The following EPHA5 variants were observed in gnomAD, a reference collection of about 807,000 sequenced individuals.
EPHA5 encodes the protein ephrin type-A receptor 5.
In EPHA5, 60 loss-of-function variants were observed where a neutral mutation model predicts 105.0. The observed-to-expected ratio is 0.57, with a 90% CI of 0.46 to 0.71. The LOEUF is 0.71. EPHA5 is among the 30% of genes least tolerant of loss of function. EPHA5 has a pLI of 0.00. For missense variants in EPHA5, 1,218 were observed against 1,274.7 expected (o/e 0.96, Z 0.68); for synonymous variants, 513 against 449.1 (o/e 1.14, Z -1.80).
At chr4:65,375,145 T>A (rs1037547530) in intron 8 of EPHA5, among the ~76,000 whole-genome samples, 1 of 151,946 alleles carries the variant, frequency 6.6e-6, no homozygotes, top group Admixed American at 6.6e-5. Flanking sequence ...TAAGCTCAGT[T>A]AAAGTTTGTT....
intron 11 of EPHA5, among the ~76,000 whole-genome samples, chr4:65,356,529 T>A (rs1015790194): frequency 2.0e-5 from 3 of 151,480 alleles, no homozygotes; most frequent in Non-Finnish European, 3.0e-5. Context: ...CCTGTAGGAT[T>A]TTTCAGCTAG....
Position 65,490,729 on chromosome 4 carries a change from A to G in EPHA5, c.1067-17T>C. 6.2e-7 allele frequency: 1 copy of G among 1,606,842 alleles called. No homozygotes were observed. The highest frequency in any genetic ancestry group is 8.5e-7 in the Non-Finnish European group (1 of 1,174,930). Reference sequence around the variant, plus strand: ...AGGGGGGTCCTGGTTTACAAAGTAAAGTAAGAAAAACATATTTTAAGATGG... The same window carrying G: ...AGGGGGGTCCTGGTTTACAAAGTAAGGTAAGAAAAACATATTTTAAGATGG... On this transcript the variant is annotated splice_polypyrimidine_tract_variant and intron_variant, in intron 4 of 16. Coordinates refer to ENST00000613740, the MANE Select transcript of EPHA5 (RefSeq NM_001281766.3).
Position 65,465,954 on chromosome 4 carries a change from A to T in EPHA5, c.1402+24423T>A, listed in dbSNP as rs372696984. 2.6e-5 allele frequency among the ~76,000 whole-genome samples: 4 copies of T among 152,386 alleles called. No individual in the cohort carries two copies. The South Asian group carries it at 8.3e-4, about 32-fold the overall frequency. On this transcript the variant is annotated intron_variant, in intron 5 of 16. Coordinates refer to ENST00000613740, the MANE Select transcript of EPHA5 (RefSeq NM_001281766.3). ...GATACTTCAGTAAACAAATTATACT[A>T]TCCTGCCCTAATAGAACTTACATTC...
rs1729006757 is a variant in EPHA5, at chr4:65,468,759, TTAAGTAC to T, written c.1402+21611_1402+21617del. Among the ~76,000 whole-genome samples the T allele has an allele frequency of 5.4e-5, 8 of 149,178 alleles. No individual in the cohort carries two copies. In the Admixed American group the frequency reaches 5.4e-4, roughly 10 times the overall value. On this transcript the variant is annotated intron_variant, in intron 5 of 16. Transcript: ENST00000613740. Reference sequence around the variant, plus strand: ...AAAGGTTATGATTCATGAAGACAGCTTAAGTACTAATAGACAAGCTTTCACAAAACGC... The same window carrying T: ...AAAGGTTATGATTCATGAAGACAGCTTAATAGACAAGCTTTCACAAAACGC...
intron 1 of EPHA5, among the ~76,000 whole-genome samples, chr4:65,653,540 T>C (rs1407709928): frequency 1.3e-5 from 2 of 152,048 alleles, no homozygotes; most frequent in Non-Finnish European, 2.9e-5. Context: ...ATAACTGGAT[T>C]CATGATAGCA....
At chr4:65,362,172 C>T (rs77035216) in intron 11 of EPHA5, among the ~76,000 whole-genome samples, 14,481 of 151,466 alleles carry the variant, frequency 0.096, 737 homozygotes, top group Middle Eastern at 0.15. Context: ...GGGGCTCAAG[C>T]TTCTGGCATG....
intron 11 of EPHA5, among the ~76,000 whole-genome samples, chr4:65,358,870 C>T (rs544722455): frequency 3.3e-5 from 5 of 151,542 alleles, no homozygotes; most frequent in South Asian, 2.1e-4. Flanking sequence ...CTCTTTATTT[C>T]GGAATGTTTA....
At chr4:65,641,019 C>G (rs572200406) in intron 2 of EPHA5, among the ~76,000 whole-genome samples, 1 of 152,104 alleles carries the variant, frequency 6.6e-6, no homozygotes, top group African/African-American at 2.4e-5. Context: ...TTGACAAATT[C>G]CCAGCTGAGA....
At chr4:65,653,962 G>T (rs1357644174) in intron 1 of EPHA5, among the ~76,000 whole-genome samples, 3 of 151,974 alleles carry the variant, frequency 2.0e-5, no homozygotes, top group Non-Finnish European at 2.9e-5. Flanking sequence ...GAATCTGGTA[G>T]CCTTGTTACA....
At chr4:65,576,058 GAAAAGA>G (rs1217950239) in intron 3 of EPHA5, among the ~76,000 whole-genome samples, 139 of 50,678 alleles carry the variant, frequency 2.7e-3, no homozygotes, top group Middle Eastern at 8.5e-3. Context: ...AAGAAAGAAA[GAAAAGA>G]AAAGAAAAGA....
chr4:65,574,350 A>G, intron 3 of EPHA5: 1 of 1,161,590 alleles, frequency 8.6e-7, no homozygotes, highest in Non-Finnish European at 1.1e-6. Flanking sequence ...ACCTAATTAA[A>G]TAGCTGACTA....
chr4:65,471,527 T>C (rs1729282205), intron 5 of EPHA5, among the ~76,000 whole-genome samples: 1 of 152,178 alleles, frequency 6.6e-6, no homozygotes, highest in Non-Finnish European at 1.5e-5. Flanking sequence ...ATAAAGATAC[T>C]ACCTGAGACT....
At chr4:65,461,746 A>G (rs1014537229) in intron 5 of EPHA5, among the ~76,000 whole-genome samples, 2 of 152,020 alleles carry the variant, frequency 1.3e-5, no homozygotes, top group Non-Finnish European at 2.9e-5. Flanking sequence ...CTTCATTAAC[A>G]GCTACAAAAA....
chr4:65,433,081 C>T (rs558544677), intron 5 of EPHA5, among the ~76,000 whole-genome samples: 1 of 152,228 alleles, frequency 6.6e-6, no homozygotes, highest in Non-Finnish European at 1.5e-5. Flanking sequence ...CAAAACATTA[C>T]ATACAGGTTA....
intron 16 of EPHA5, chr4:65,330,959 T>C: frequency 1.9e-6 from 2 of 1,043,174 alleles, no homozygotes; most frequent in Middle Eastern, 4.4e-4. Flanking sequence ...TAAATGGTGG[T>C]ACCCTGTTAC....
rs776954457 is a variant in EPHA5, at chr4:65,320,596, CTGTGCT to C, written c.*3512_*3517del. The stretch of plus-strand genomic sequence containing the variant: ...AAAAATGTCTTCAGAAGGTAAATAT[CTGTGCT>C]TGTGCTTCTGAGAACCCACTTTACA... On this transcript the variant is annotated 3_prime_UTR_variant, in exon 17 of 17. Transcript: ENST00000613740. 13 of 229,724 alleles carry C rather than the reference CTGTGCT, an allele frequency of 5.7e-5. No homozygotes were observed. Among genetic ancestry groups the C allele is most frequent in the Non-Finnish European group, 1.1e-4 (13 of 115,864 alleles). The allele number at this position is 229,724 out of a possible 1,614,324, so 14.2% of individuals were successfully genotyped here.
Position 65,414,314 on chromosome 4 carries a change from G to A in EPHA5, c.1657C>T (p.Arg553Ter), listed in dbSNP as rs772400389. 2 of 1,613,822 alleles carry A rather than the reference G, an allele frequency of 1.2e-6. No individual in the cohort carries two copies. Among genetic ancestry groups the A allele is most frequent in the Non-Finnish European group, 8.5e-7 (1 of 1,179,866 alleles). Residue 553 changes from arginine to a stop codon, truncating the protein, a stop_gained, in exon 7 of 17, where the codon CGA (arginine) becomes TGA (stop). Coordinates refer to ENST00000613740, the MANE Select transcript of EPHA5 (RefSeq NM_001281766.3). LOFTEE classifies it high-confidence loss of function. ...RTAAGYGVFS[R>*]RFEFETTPVS... The stretch of plus-strand genomic sequence containing the variant: ...GGGGTGGTTTCAAACTCAAATCTTC[G>A]ACTGAAGACACCATAGCCTGCTGCT...
intron 2 of EPHA5, among the ~76,000 whole-genome samples, chr4:65,625,457 C>G (rs1746050631): frequency 6.6e-6 from 1 of 152,070 alleles, no homozygotes; most frequent in Non-Finnish European, 1.5e-5. Context: ...GAGAAAAATT[C>G]TCACCTTCTC....
chr4:65,361,910 C>A (rs1156772237), intron 11 of EPHA5, among the ~76,000 whole-genome samples: 1 of 151,482 alleles, frequency 6.6e-6, no homozygotes, highest in East Asian at 1.9e-4. Context: ...TAGATGAAAT[C>A]TTCAGGAACT....
Sources: allele counts gnomAD v4.1 joint callset (sites outside exome capture counted in the v4.1 genomes callset), GRCh38; gene constraint gnomAD v4.1.1; transcripts MANE v1.5; gene names NCBI Gene and HGNC (gene_info 2026-07-23, HGNC 2026-07-21).